Variants in STK17B observed in about 807,000 individuals in gnomAD.
STK17B encodes serine/threonine kinase 17b.
In STK17B, 21 loss-of-function variants were observed where a neutral mutation model predicts 42.0. The observed-to-expected ratio is 0.50, with a 90% CI of 0.35 to 0.72. The LOEUF (loss-of-function observed/expected upper bound fraction) is 0.72, where lower values mean the gene tolerates loss of function less well. Ranked by LOEUF, STK17B falls within the 30% of genes least tolerant of loss-of-function variation. STK17B has a pLI of 0.00. For missense variants in STK17B, 349 were observed against 446.0 expected, an observed-to-expected ratio of 0.78 and a Z score of 1.96; for synonymous variants, 143 against 148.4, an observed-to-expected ratio of 0.96 and a Z score of 0.26.
upstream of STK17B, among the ~76,000 whole-genome samples, chr2:196,175,125 A>G (rs1032668333): frequency 3.3e-5 from 5 of 152,208 alleles, no homozygotes; most frequent in Admixed American, 6.5e-5. Flanking sequence ...TTTCTAAAAC[A>G]TTGTCATTTC....
At chr2:196,163,858 C>T (rs1051087002) in intron 1 of STK17B, among the ~76,000 whole-genome samples, 3 of 151,464 alleles carry the variant, frequency 2.0e-5, no homozygotes, top group East Asian at 1.9e-4. Flanking sequence ...GGCAACATAG[C>T]GAGATCCCAT....
intron 3 of STK17B, among the ~76,000 whole-genome samples, chr2:196,148,670 T>C (rs993869595): frequency 6.6e-6 from 1 of 152,190 alleles, no homozygotes; most frequent in African/African-American, 2.4e-5. Context: ...AAAATAGATG[T>C]GTATTCTTCA....
At position 196,170,063 on chromosome 2, in the gene STK17B, A is replaced by C. The variant is rs192523566; in HGVS notation, c.-45+1270T>G. ...ACCGCTTCTATGGACCAGTTTTCTTAAAAAATACACAATCCTAGGGGTACA... is the reference window on the plus strand; with the variant it reads ...ACCGCTTCTATGGACCAGTTTTCTTCAAAAATACACAATCCTAGGGGTACA... On this transcript the variant is annotated intron_variant, in intron 1 of 7. Transcript: ENST00000263955. 3.9e-3 allele frequency among the ~76,000 whole-genome samples: 594 copies of C among 152,298 alleles called. 11 individuals carry two copies. The highest frequency in any genetic ancestry group is 0.036 in the Admixed American group (555 of 15,294).
At chr2:196,168,684 G>A (rs1487850070) in intron 1 of STK17B, among the ~76,000 whole-genome samples, 1 of 152,072 alleles carries the variant, frequency 6.6e-6, no homozygotes, top group Non-Finnish European at 1.5e-5. Context: ...TGAAGTTTGA[G>A]GTTAAATGTT....
rs1262924382 is a variant in STK17B at position 196,136,896 on chromosome 2, GA to G, written c.*550del. Reference sequence around the variant, plus strand: ...TCTCTCTCATATAACAGACCACAGAGAATGAAAATCTTACGAAGTTTCAAAA... The same window carrying G: ...TCTCTCTCATATAACAGACCACAGAGATGAAAATCTTACGAAGTTTCAAAA... On this transcript the variant is annotated 3_prime_UTR_variant, in exon 8 of 8. Coordinates refer to ENST00000263955, the MANE Select transcript of STK17B (RefSeq NM_004226.4). The G allele has an allele frequency of 6.6e-6, 1 of 152,554 alleles. No homozygotes were observed. Among genetic ancestry groups the G allele is most frequent in the East Asian group, 1.9e-4 (1 of 5,212 alleles). The allele number at this position is 152,554 out of a possible 1,614,324, so 9.5% of individuals were successfully genotyped here.
At chr2:196,161,611 C>T (rs1344083944) in intron 2 of STK17B, among the ~76,000 whole-genome samples, 6 of 149,328 alleles carry the variant, frequency 4.0e-5, no homozygotes, top group Non-Finnish European at 7.4e-5. Context: ...CTCCACCTGC[C>T]GGGTTCAAGT....
At chr2:196,137,923 C>T (rs1444547190) in intron 7 of STK17B, among the ~76,000 whole-genome samples, 194 bp from the exon 8 acceptor site, 1 of 152,060 alleles carries the variant, frequency 6.6e-6, no homozygotes, top group Admixed American at 6.5e-5. Context: ...AGTTATATGC[C>T]AGGGACTATT....
At chr2:196,159,411 G>T (rs930328900) in intron 2 of STK17B, among the ~76,000 whole-genome samples, 25 of 150,790 alleles carry the variant, frequency 1.7e-4, no homozygotes, top group African/African-American at 6.1e-4. Context: ...CCCAGGCTCA[G>T]AAGATTCTCT....
chr2:196,161,809 C>G (rs1354907247), intron 2 of STK17B, among the ~76,000 whole-genome samples: 1 of 152,038 alleles, frequency 6.6e-6, no homozygotes, highest in Non-Finnish European at 1.5e-5. Context: ...AGTCACCACA[C>G]CTGGCCAGAT....
chr2:196,139,723 G>C lies in STK17B; in HGVS notation c.733C>G (p.Leu245Val). The change falls in exon 7 of 8, where the codon CTC (leucine) becomes GTC (valine). Residue 245 changes from leucine to valine, a missense_variant. By Grantham distance (32) the Leu-to-Val change is conservative. This residue lies in a region of STK17B where 256 missense variants were observed against 347.7 expected (regional missense o/e 0.74). Transcript: ENST00000263955. ...FVGEDNQETYLNISQVNVDYS... is the reference protein window; with the variant it reads ...FVGEDNQETYVNISQVNVDYS... ...TCTACATTAACTTGAGAAATATTGA[G>C]GTATGTTTCTTGATTATCTTCTCCC... 6.8e-7 allele frequency: 1 copy of C among 1,461,474 alleles called. No homozygotes were observed. The highest frequency in any genetic ancestry group is 9.1e-7 in the Non-Finnish European group (1 of 1,103,988). The allele number at this position is 1,461,474 out of a possible 1,614,324, so 90.5% of individuals were successfully genotyped here. A position where few individuals can be genotyped will look rare whatever the true frequency, so the allele number is the denominator to read the frequency against.
chr2:196,146,809 G>A (rs1047020224), intron 3 of STK17B, among the ~76,000 whole-genome samples: 1 of 152,086 alleles, frequency 6.6e-6, no homozygotes, highest in African/African-American at 2.4e-5. Flanking sequence ...GTAGAAACAA[G>A]TACAATTAGG....
chr2:196,148,568 C>T (rs1454241018), intron 3 of STK17B, among the ~76,000 whole-genome samples: 1 of 151,860 alleles, frequency 6.6e-6, no homozygotes, highest in Non-Finnish European at 1.5e-5. Flanking sequence ...ATAATCTAGT[C>T]CTATCTTATA....
intron 2 of STK17B, 124 bp downstream of exon 2, chr2:196,163,138 A>G: frequency 1.7e-6 from 2 of 1,193,782 alleles, no homozygotes; most frequent in East Asian, 5.0e-5. Flanking sequence ...TAACAGCAAC[A>G]GAGATCACAA....
At chr2:196,139,864 T>A in intron 6 of STK17B, 65 bp from the exon 7 acceptor site, 2 of 1,216,090 alleles carry the variant, frequency 1.6e-6, no homozygotes, top group Non-Finnish European at 2.1e-6. Context: ...CAAAGTACAA[T>A]CGACATTCAA....
chr2:196,144,175 TA>T (rs1193241070), intron 4 of STK17B, among the ~76,000 whole-genome samples: 2,544 of 116,964 alleles, frequency 0.022, 70 homozygotes, highest in African/African-American at 0.075. Context: ...CTCTCTTAAA[TA>T]AAAAAAAAAT....
intron 1 of STK17B, among the ~76,000 whole-genome samples, chr2:196,165,064 T>C (rs1267087618): frequency 6.6e-6 from 1 of 152,224 alleles, no homozygotes; most frequent in Non-Finnish European, 1.5e-5. Flanking sequence ...GGCTGAATTG[T>C]GTCCTCCCCC....
Position 196,137,130 on chromosome 2 carries a change from C to A in STK17B, c.*317G>T. The A allele has an allele frequency of 3.8e-6, 1 of 264,734 alleles. No individual in the cohort carries two copies. Among genetic ancestry groups the A allele is most frequent in the Non-Finnish European group, 7.2e-6 (1 of 139,512 alleles). 16.4% of individuals were successfully genotyped at this position (264,734 alleles called of 1,614,324 possible). On this transcript the variant is annotated 3_prime_UTR_variant, in exon 8 of 8. Transcript: ENST00000263955. ...ACACCAACTATAATAAAACTCAAGC[C>A]ACTTTTTTTGTTGATATGCAAAACA...
chr2:196,160,471 T>A (rs544026714), intron 2 of STK17B, among the ~76,000 whole-genome samples: 2 of 152,286 alleles, frequency 1.3e-5, no homozygotes, highest in African/African-American at 4.8e-5. Flanking sequence ...TAAAGGAAAA[T>A]GAATTATTAA....
intron 1 of STK17B, among the ~76,000 whole-genome samples, chr2:196,165,263 C>T (rs966165382): frequency 2.0e-5 from 3 of 152,166 alleles, no homozygotes; most frequent in African/African-American, 7.2e-5. Flanking sequence ...GCCAAGAGGG[C>T]AGGCCTCAGA....
Sources: gnomAD v4.1 joint callset for allele counts (sites outside exome capture counted in the v4.1 genomes callset) on GRCh38, gnomAD v4.1.1 for gene constraint, gnomAD v4.1.1 regional missense constraint, MANE v1.5 for transcripts, NCBI Gene and HGNC (gene_info 2026-07-23, HGNC 2026-07-21) for gene names.